The following EPHB2 variants were observed in gnomAD, a reference collection of about 807,000 sequenced individuals.
The protein encoded by EPHB2 is EPH receptor B2, also known as ephrin type-B receptor 2.
A neutral mutation model predicts 96.4 loss-of-function variants in EPHB2; 18 were observed. The observed-to-expected ratio is 0.19, with a 90% CI of 0.13 to 0.28. EPHB2 has a LOEUF of 0.28. EPHB2 is among the 10% of genes least tolerant of loss of function. The pLI, the probability that EPHB2 is intolerant of heterozygous loss-of-function variation, is 1.00. For missense variants in EPHB2, 989 were observed against 1,355.4 expected (o/e 0.73, Z 4.25); for synonymous variants, 506 against 534.1 (o/e 0.95, Z 0.72).
In EPHB2 at chr1:22,910,434, C is replaced by G. The variant is rs758261769; in HGVS notation, c.2555C>G (p.Pro852Arg). 1 of 1,614,214 alleles carries G rather than the reference C, an allele frequency of 6.2e-7. No individual in the cohort carries two copies. Among genetic ancestry groups the G allele is most frequent in the South Asian group, 1.1e-5 (1 of 91,084 alleles). Residue 852 changes from proline to arginine, a missense_variant, in exon 14 of 16, where the codon CCG becomes CGG. Physicochemically the swap from Pro to Arg is moderately radical, Grantham distance 103 (BLOSUM62 -2). Coordinates refer to ENST00000374630, the MANE Select transcript of EPHB2 (RefSeq NM_017449.5). ...CGGCTGCCACCGCCCATGGACTGCC[C>G]GAGCGCCCTGCACCAACTCATGCTG... The part of the protein sequence containing the change: ...DYRLPPPMDC[P>R]SALHQLMLDC...
intron 1 of EPHB2, among the ~76,000 whole-genome samples, chr1:22,735,096 G>A (rs1570173865): frequency 6.6e-6 from 1 of 152,244 alleles, no homozygotes; most frequent in East Asian, 1.9e-4. Context: ...GTGGGGCATG[G>A]TGTGGGAGCA....
chr1:22,715,361 A>G (rs1643265397), intron 1 of EPHB2, among the ~76,000 whole-genome samples: 1 of 152,154 alleles, frequency 6.6e-6, no homozygotes, highest in Non-Finnish European at 1.5e-5. Context: ...ACTGTGTGCT[A>G]GGTAGACAAG....
At chr1:22,879,209 C>CTA (rs1557730766) in intron 5 of EPHB2, among the ~76,000 whole-genome samples, 1 of 151,686 alleles carries the variant, frequency 6.6e-6, no homozygotes, top group African/African-American at 2.4e-5. Context: ...CCCACCTCCA[C>CTA]CACACACACA....
At chr1:22,775,757 C>T (rs925413974) in intron 1 of EPHB2, among the ~76,000 whole-genome samples, 1 of 152,230 alleles carries the variant, frequency 6.6e-6, no homozygotes, top group Non-Finnish European at 1.5e-5. Context: ...AGGGATAGGG[C>T]CAAAGTCACT....
At chr1:22,827,337 T>A (rs1645239402) in intron 3 of EPHB2, among the ~76,000 whole-genome samples, 1 of 152,242 alleles carries the variant, frequency 6.6e-6, no homozygotes, top group Admixed American at 6.5e-5. Flanking sequence ...TGCTCCCATC[T>A]GTGTGTGCTC....
intron 5 of EPHB2, among the ~76,000 whole-genome samples, chr1:22,877,576 T>C (rs1432264009): frequency 1.3e-5 from 2 of 152,144 alleles, no homozygotes; most frequent in Non-Finnish European, 2.9e-5. Context: ...GAACTCTTTG[T>C]ATGGCTGCTC....
chr1:22,907,835 C>G, intron 11 of EPHB2, 118 bp from the exon 12 acceptor site: 1 of 1,283,586 alleles, frequency 7.8e-7, no homozygotes, highest in South Asian at 1.2e-5. Flanking sequence ...AGTCCTTCCC[C>G]AGGGGAGCCC....
At chr1:22,742,595 C>T (rs1360476081) in intron 1 of EPHB2, among the ~76,000 whole-genome samples, 1 of 152,164 alleles carries the variant, frequency 6.6e-6, no homozygotes, top group African/African-American at 2.4e-5. Flanking sequence ...CAGCCTTGAC[C>T]TCCTGGGCTC....
At chr1:22,843,088 T>C (rs138522717) in intron 3 of EPHB2, among the ~76,000 whole-genome samples, 5 of 152,330 alleles carry the variant, frequency 3.3e-5, no homozygotes, top group Admixed American at 2.0e-4. Context: ...TCGTATCTGT[T>C]GAGTGAAGGA....
intron 3 of EPHB2, chr1:22,836,534 C>T (rs1248525991): frequency 6.6e-6 from 1 of 152,228 alleles, no homozygotes; most frequent in Non-Finnish European, 1.5e-5. Flanking sequence ...ACTGCTAGGT[C>T]AGGGATCAAC....
intron 6 of EPHB2, among the ~76,000 whole-genome samples, chr1:22,889,993 G>T (rs540247069): frequency 1.3e-5 from 2 of 152,342 alleles, no homozygotes; most frequent in Admixed American, 6.5e-5. Flanking sequence ...AAGGAAGGGG[G>T]AAAGAGTTAG....
chr1:22,801,603 G>A (rs897141746), intron 3 of EPHB2, among the ~76,000 whole-genome samples: 3 of 152,098 alleles, frequency 2.0e-5, no homozygotes, highest in Non-Finnish European at 4.4e-5. Flanking sequence ...CTTAGAGGAT[G>A]CCCAGACCCC....
At chr1:22,845,667 G>A (rs1645531212) in intron 3 of EPHB2, among the ~76,000 whole-genome samples, 1 of 152,074 alleles carries the variant, frequency 6.6e-6, no homozygotes, top group Non-Finnish European at 1.5e-5. Context: ...TGTAAGATTA[G>A]AGGTTTGTCA....
intron 5 of EPHB2, among the ~76,000 whole-genome samples, chr1:22,874,525 G>T (rs1473352685): frequency 6.6e-6 from 1 of 152,202 alleles, no homozygotes; most frequent in Non-Finnish European, 1.5e-5. Flanking sequence ...AGGGGTAGAA[G>T]AAACCAACCT....
In EPHB2 at chr1:22,782,683, G is replaced by A. The variant is rs539251860; in HGVS notation, c.126+1198G>A. 2.0e-4 allele frequency among the ~76,000 whole-genome samples: 31 copies of A among 152,286 alleles called. No homozygotes were observed. The South Asian group carries it at 6.2e-3, about 31-fold the overall frequency. ...ATGTTAATTAGAGAGAGGGGAGAAA[G>A]GCAGAGTGCTCTAATTAAGTGTTCT... On this transcript the variant is annotated intron_variant, in intron 2 of 15. Transcript: ENST00000374630.
At position 22,784,459 on chromosome 1, in the gene EPHB2, T is replaced by A; in HGVS notation, c.194T>A (p.Phe65Tyr). 1 of 1,614,158 alleles carries A rather than the reference T, an allele frequency of 6.2e-7. No homozygotes were observed. Among genetic ancestry groups the A allele is most frequent in the South Asian group, 1.1e-5 (1 of 91,082 alleles). Reference sequence around the variant, plus strand: ...CGCACGTACCAGGTGTGCAACGTGTTTGAGTCAAGCCAGAACAACTGGCTA... The same window carrying A: ...CGCACGTACCAGGTGTGCAACGTGTATGAGTCAAGCCAGAACAACTGGCTA... ...TIRTYQVCNV[F>Y]ESSQNNWLRT... Residue 65 changes from phenylalanine to tyrosine, a missense_variant, in exon 3 of 16, where the codon TTT (phenylalanine) becomes TAT (tyrosine). Physicochemically the swap from Phe to Tyr is conservative, Grantham distance 22. Coordinates refer to ENST00000374630, the MANE Select transcript of EPHB2 (RefSeq NM_017449.5). This position sits in a 1 kb window ranked among gnomAD's most constrained non-coding sequence, Gnocchi z 5.1.
In EPHB2 at chr1:22,778,705, T is replaced by G. The variant is rs561640451; in HGVS notation, c.62-2716T>G. 4.6e-4 allele frequency among the ~76,000 whole-genome samples: 70 copies of G among 152,342 alleles called. 1 individual carries two copies. The South Asian group carries it at 0.013, about 29-fold the overall frequency. On this transcript the variant is annotated intron_variant, in intron 1 of 15. Transcript: ENST00000374630. ...CCAGCCCATTTACTTCCAGTCCTTC[T>G]GAGATCCTCCCACTGCTTTGGGCCA... is the stretch of plus-strand genomic sequence containing the variant.
intron 1 of EPHB2, among the ~76,000 whole-genome samples, chr1:22,737,632 A>G (rs1007686385): frequency 2.6e-5 from 4 of 152,110 alleles, no homozygotes; most frequent in African/African-American, 4.8e-5. Flanking sequence ...TTGATTAACA[A>G]TTCTTATAAC....
At chr1:22,826,197 C>T (rs1440651897) in intron 3 of EPHB2, among the ~76,000 whole-genome samples, 1 of 152,148 alleles carries the variant, frequency 6.6e-6, no homozygotes, top group African/African-American at 2.4e-5. Context: ...AGTGAGTCTA[C>T]TAAGTGCGTT....
Sources: allele counts gnomAD v4.1 joint callset (sites outside exome capture counted in the v4.1 genomes callset), GRCh38; gene constraint gnomAD v4.1.1; non-coding constraint Gnocchi (gnomAD v3.1); transcripts MANE v1.5; gene names NCBI Gene and HGNC (gene_info 2026-07-23, HGNC 2026-07-21).